Variants in EYS observed in about 807,000 individuals in gnomAD.
EYS encodes the protein protein eyes shut homolog.
Under a neutral mutation model 282.1 loss-of-function variants are expected in EYS, and 250 were observed. That is an observed-to-expected ratio of 0.89 (90% confidence interval 0.80 to 0.98). The LOEUF is 0.98. EYS is among the 50% of genes least tolerant of loss of function. The pLI is 0.00. For missense variants in EYS, 4,016 were observed against 3,709.0 expected (o/e 1.08, Z -2.15); for synonymous variants, 1,355 against 1,282.9 (o/e 1.06, Z -1.20).
At chr6:64,800,452 T>G (rs2150007339) in intron 22 of EYS, among the ~76,000 whole-genome samples, 1 of 152,144 alleles carries the variant, frequency 6.6e-6, no homozygotes, top group Admixed American at 6.5e-5. Flanking sequence ...CCAAAAATGT[T>G]ATAAGAGCCA....
Position 65,295,854 on chromosome 6 carries a change from A to T in EYS, c.2023+9T>A, listed in dbSNP as rs1423346150. On this transcript the variant is annotated intron_variant, in intron 12 of 42. Transcript: ENST00000503581. ...GAAAATTTAATTTATCAGGAAAAAAAAAACTTGCCTTTAAATCCTGGGACA... is the reference window on the plus strand; with the variant it reads ...GAAAATTTAATTTATCAGGAAAAAATAAACTTGCCTTTAAATCCTGGGACA... 1.3e-6 allele frequency: 2 copies of T among 1,526,082 alleles called. No homozygotes were observed. The highest frequency in any genetic ancestry group is 2.8e-5 in the African/African-American group (2 of 71,774). 94.5% of individuals were successfully genotyped at this position (1,526,082 alleles called of 1,614,324 possible).
chr6:64,009,284 G>A (rs1332742803), intron 33 of EYS, among the ~76,000 whole-genome samples: 2 of 149,604 alleles, frequency 1.3e-5, no homozygotes, highest in Non-Finnish European at 3.0e-5. Flanking sequence ...GGAAATTCTC[G>A]ATTTTTTTTT....
intron 8 of EYS, among the ~76,000 whole-genome samples, chr6:65,377,933 GC>G (rs1765441603): frequency 6.6e-6 from 1 of 152,046 alleles, no homozygotes; most frequent in African/African-American, 2.4e-5. Context: ...ACCAAAAAAA[GC>G]CAAGGACCAG....
intron 22 of EYS, chr6:64,631,704 T>C (rs1039086317): frequency 6.6e-6 from 1 of 152,060 alleles, no homozygotes; most frequent in Admixed American, 6.6e-5. Context: ...ATGAGGCACA[T>C]AACAAAGCAA....
At chr6:65,658,728 G>T (rs1767906369) in intron 1 of EYS, among the ~76,000 whole-genome samples, 1 of 151,562 alleles carries the variant, frequency 6.6e-6, no homozygotes, top group Admixed American at 6.6e-5. Context: ...ATATGGAATT[G>T]AACTGCAGCC....
chr6:64,902,059 T>TTA (rs59518422), intron 18 of EYS, 54 bp downstream of exon 18: 6 of 1,270,006 alleles, frequency 4.7e-6, no homozygotes, highest in East Asian at 2.5e-5. Flanking sequence ...GTGCTCACTT[T>TTA]CTTGTTGAAT....
intron 26 of EYS, among the ~76,000 whole-genome samples, chr6:64,551,465 T>A (rs1320800054): frequency 6.6e-6 from 1 of 151,452 alleles, no homozygotes; most frequent in Non-Finnish European, 1.5e-5. Context: ...ATCTGGAAAC[T>A]GTAAACCAAA....
At chr6:65,036,753 A>C (rs1161650674) in intron 13 of EYS, among the ~76,000 whole-genome samples, 2 of 152,000 alleles carry the variant, frequency 1.3e-5, no homozygotes, top group Non-Finnish European at 2.9e-5. Context: ...TCAAAACCAC[A>C]TTGAGATACC....
At chr6:64,772,438 C>A (rs1488213204) in intron 22 of EYS, among the ~76,000 whole-genome samples, 1 of 151,650 alleles carries the variant, frequency 6.6e-6, no homozygotes, top group Non-Finnish European at 1.5e-5. Flanking sequence ...GCATACAATG[C>A]ATAATAATCA....
At chr6:64,508,550 A>AC (rs1777283593) in intron 26 of EYS, among the ~76,000 whole-genome samples, 1 of 129,932 alleles carries the variant, frequency 7.7e-6, no homozygotes, top group Admixed American at 7.4e-5. Flanking sequence ...TTTTCTAAGT[A>AC]TTTATTATTA....
At chr6:64,198,192 A>G (rs1312425245) in intron 31 of EYS, among the ~76,000 whole-genome samples, 2 of 147,274 alleles carry the variant, frequency 1.4e-5, no homozygotes, top group Non-Finnish European at 3.0e-5. Flanking sequence ...TATTTTTAGT[A>G]GAGACGGGGT....
chr6:64,930,892 A>T (rs1768698730), intron 15 of EYS, among the ~76,000 whole-genome samples: 1 of 152,156 alleles, frequency 6.6e-6, no homozygotes, highest in African/African-American at 2.4e-5. Context: ...TAATGGCCAT[A>T]CAGAGCCCCA....
intron 12 of EYS, among the ~76,000 whole-genome samples, chr6:65,191,695 A>G (rs1189717224): frequency 1.3e-5 from 2 of 151,750 alleles, no homozygotes; most frequent in African/African-American, 4.8e-5. Context: ...CTTGTACATT[A>G]CTCTGGCCAA....
At chr6:64,722,705 A>G (rs1378480336) in intron 22 of EYS, among the ~76,000 whole-genome samples, 3 of 152,170 alleles carry the variant, frequency 2.0e-5, no homozygotes, top group Admixed American at 2.0e-4. Context: ...ATAATCCTAG[A>G]AAACAAGGTC....
At chr6:64,601,165 A>T (rs1372632455) in intron 24 of EYS, among the ~76,000 whole-genome samples, 30 of 151,984 alleles carry the variant, frequency 2.0e-4, no homozygotes, top group Admixed American at 2.0e-3. Flanking sequence ...CTTAGTATTC[A>T]ACTTTTTTCT....
At position 65,573,236 on chromosome 6, in the gene EYS, T is replaced by C. The variant is rs13328245; in HGVS notation, c.-333+66542A>G. 2.2e-3 allele frequency among the ~76,000 whole-genome samples: 342 copies of C among 152,148 alleles called. 1 individual carries two copies. Among genetic ancestry groups the C allele is most frequent in the African/African-American group, 7.9e-3 (327 of 41,536 alleles). On this transcript the variant is annotated intron_variant, in intron 2 of 42. Transcript: ENST00000503581. ...TCATTAATGAATCTGCCACAACATG[T>C]TGAAGCAAAAATGGAAAACATGTAT...
At position 63,917,090 on chromosome 6, in the gene EYS, T is replaced by C. The variant is rs150272252; in HGVS notation, c.7056-52732A>G. Among the ~76,000 whole-genome samples the C allele has an allele frequency of 3.6e-3, 551 of 152,360 alleles. 3 individuals carry two copies. The highest frequency in any genetic ancestry group is 0.012 in the African/African-American group (494 of 41,582). The stretch of plus-strand genomic sequence containing the variant: ...TAAAAATTTTTCAAAGATATTTGTG[T>C]TATGAAATTCCTTGGTTTCTGATAC... On this transcript the variant is annotated intron_variant, in intron 35 of 42. Transcript: ENST00000503581.
chr6:63,878,813 A>G (rs1049246249), intron 35 of EYS, among the ~76,000 whole-genome samples: 1 of 152,156 alleles, frequency 6.6e-6, no homozygotes, highest in Non-Finnish European at 1.5e-5. Context: ...GCCATTTGCT[A>G]AGACCATTGG....
chr6:64,530,634 A>G (rs1310055706), intron 26 of EYS, among the ~76,000 whole-genome samples: 7 of 152,172 alleles, frequency 4.6e-5, no homozygotes, highest in Non-Finnish European at 4.4e-5. Context: ...AATATTAACT[A>G]ATGACTTCGT....
Sources: gnomAD v4.1 joint callset for allele counts (sites outside exome capture counted in the v4.1 genomes callset) on GRCh38, gnomAD v4.1.1 for gene constraint, MANE v1.5 for transcripts, NCBI Gene and HGNC (gene_info 2026-07-23, HGNC 2026-07-21) for gene names.